The following ACSL3 variants were observed in gnomAD, a reference collection of about 807,000 sequenced individuals.
ACSL3 encodes the protein acyl-CoA synthetase long chain family member 3, also known as fatty acid CoA ligase Acsl3.
Under a neutral mutation model 84.7 loss-of-function variants are expected in ACSL3, and 34 were observed. That is an observed-to-expected ratio of 0.40 (90% CI 0.31 to 0.53). The LOEUF is 0.53. Among genes scored for constraint, ACSL3 ranks in the 20% least tolerant of loss-of-function variants. The probability of loss-of-function intolerance (pLI) is 0.48; values close to 1 mark genes in which losing one functional copy is unlikely to be tolerated. For missense variants in ACSL3, 680 were observed against 873.1 expected, an observed-to-expected ratio of 0.78 and a Z score of 2.79; for synonymous variants, 315 against 299.4, an observed-to-expected ratio of 1.05 and a Z score of -0.54.
At position 222,863,415 on chromosome 2, in the gene ACSL3, A is replaced by G. The variant is rs557412089; in HGVS notation, c.-207+2157A>G. 3.9e-5 allele frequency among the ~76,000 whole-genome samples: 6 copies of G among 152,320 alleles called. No individual in the cohort carries two copies. In the South Asian group the frequency reaches 1.2e-3, roughly 32 times the overall value. ...CTTTTCATTGCACAGTGTATTTCAT[A>G]CTCAGAATGTCATCCCGGCTCTCAT... On this transcript the variant is annotated intron_variant, in intron 1 of 16. Coordinates refer to ENST00000357430, the MANE Select transcript of ACSL3 (RefSeq NM_004457.5).
chr2:222,937,054 T>G (rs1697191465), intron 16 of ACSL3, among the ~76,000 whole-genome samples: 1 of 152,176 alleles, frequency 6.6e-6, no homozygotes, highest in Admixed American at 6.5e-5. Context: ...GACCCAGAAC[T>G]AAACCTTATC....
chr2:222,944,333 CTT>C lies in ACSL3; in HGVS notation c.*2682_*2683del, dbSNP rs1258854936. On this transcript the variant is annotated 3_prime_UTR_variant, in exon 17 of 17. Coordinates refer to ENST00000357430, the MANE Select transcript of ACSL3 (RefSeq NM_004457.5). ...TCCCTGTGATACAACTTTGAAAAAACTTTTAAAAATCTCTGATGTGTGGGCTC... is the reference window on the plus strand; with the variant it reads ...TCCCTGTGATACAACTTTGAAAAAACTTAAAAATCTCTGATGTGTGGGCTC... 1 of 152,082 alleles carries C rather than the reference CTT, an allele frequency of 6.6e-6. No individual in the cohort carries two copies. The highest frequency in any genetic ancestry group is 2.4e-5 in the African/African-American group (1 of 41,430). 9.4% of individuals were successfully genotyped at this position (152,082 alleles called of 1,614,324 possible).
In ACSL3 at chr2:222,917,980, A is replaced by AT; in HGVS notation, c.557-64dup. The AT allele has an allele frequency of 6.8e-6, 8 of 1,182,426 alleles. No homozygotes were observed. In the South Asian group the frequency reaches 1.0e-4, roughly 15 times the overall value. 73.2% of individuals were successfully genotyped at this position (1,182,426 alleles called of 1,614,324 possible). ...ATGCGTTATTATGATTCATCTCCAC[A>AT]TTCAGAGACTTTACATTTGTAGTTA... On this transcript the variant is annotated intron_variant, in intron 5 of 16. Transcript: ENST00000357430.
chr2:222,916,335 A>G lies in ACSL3; in HGVS notation c.395A>G (p.Tyr132Cys), dbSNP rs1238526096. The G allele has an allele frequency of 3.7e-6, 6 of 1,612,916 alleles. No individual in the cohort carries two copies. The highest frequency in any genetic ancestry group is 5.1e-6 in the Non-Finnish European group (6 of 1,179,398). The change falls in exon 5 of 17, where the codon TAT (tyrosine) becomes TGT (cysteine). Residue 132 changes from tyrosine to cysteine, a missense_variant. Coordinates refer to ENST00000357430, the MANE Select transcript of ACSL3 (RefSeq NM_004457.5). ...TTTTATCAGGTTATTCTTGGACAGT[A>G]TAATTGGCTTTCCTATGAAGATGTC... The part of the protein sequence containing the change: ...KIFKKVILGQ[Y>C]NWLSYEDVFV...
chr2:222,909,063 C>G lies in ACSL3; in HGVS notation c.291C>G (p.Asn97Lys), dbSNP rs186338577. The change falls in exon 4 of 17, where the codon AAC becomes AAG. Residue 97 changes from asparagine (N) to lysine (K), a missense_variant. By Grantham distance (94) the Asn-to-Lys change is moderately conservative. Transcript: ENST00000357430. ...ATAAAGTTTTTACATATGCAAAAAA[C>G]AAATTTAAGAACAAAAGACTCTTGG... Reference protein sequence around the residue: ...TLDKVFTYAKNKFKNKRLLGT... With the variant: ...TLDKVFTYAKKKFKNKRLLGT... The G allele has an allele frequency of 2.5e-6, 4 of 1,611,826 alleles. No individual in the cohort carries two copies. The highest frequency in any genetic ancestry group is 3.4e-6 in the Non-Finnish European group (4 of 1,179,352).
chr2:222,914,046 TC>T (rs2106121936), intron 4 of ACSL3, among the ~76,000 whole-genome samples: 1 of 152,322 alleles, frequency 6.6e-6, no homozygotes, highest in East Asian at 1.9e-4. Context: ...ATAGTGATCT[TC>T]AGTTGCAGAG....
At chr2:222,870,923 G>T (rs186391819) in intron 1 of ACSL3, among the ~76,000 whole-genome samples, 13 of 152,218 alleles carry the variant, frequency 8.5e-5, no homozygotes, top group African/African-American at 2.6e-4. Context: ...TGTGAAATAC[G>T]GGTTATAAGG....
chr2:222,929,985 T>A (rs1195151771), intron 13 of ACSL3, among the ~76,000 whole-genome samples: 1 of 146,264 alleles, frequency 6.8e-6, no homozygotes, highest in Admixed American at 7.0e-5. Context: ...TGGAGTGCAG[T>A]GTCAATGGTT....
chr2:222,893,033 G>A (rs1695880970), intron 2 of ACSL3, among the ~76,000 whole-genome samples: 1 of 152,054 alleles, frequency 6.6e-6, no homozygotes, highest in African/African-American at 2.4e-5. Flanking sequence ...TATTATTATT[G>A]TTATTTGCAG....
At chr2:222,874,984 G>A (rs533268778) in intron 1 of ACSL3, among the ~76,000 whole-genome samples, 1 of 151,894 alleles carries the variant, frequency 6.6e-6, no homozygotes, top group East Asian at 1.9e-4. Flanking sequence ...TAGAATTGAA[G>A]AATTAAAAAT....
At chr2:222,891,753 C>T (rs188637032) in intron 2 of ACSL3, among the ~76,000 whole-genome samples, 3 of 152,274 alleles carry the variant, frequency 2.0e-5, no homozygotes, top group Admixed American at 6.5e-5. Flanking sequence ...ATGGGAAAGA[C>T]TTGCTATAAT....
rs1697026781 is a variant in ACSL3, at chr2:222,931,387, C to T, written c.1732+575C>T. 2.0e-5 allele frequency among the ~76,000 whole-genome samples: 3 copies of T among 149,968 alleles called. No homozygotes were observed. In the South Asian group the frequency reaches 6.4e-4, roughly 32 times the overall value. On this transcript the variant is annotated intron_variant, in intron 14 of 16. Transcript: ENST00000357430. The stretch of plus-strand genomic sequence containing the variant: ...GGAGATCGCGACACTGCACTCCAAC[C>T]TGGGCAACAGAGCAAGACTCTGTCT...
At position 222,904,405 on chromosome 2, in the gene ACSL3, C is replaced by T. The variant is rs145467117; in HGVS notation, c.-41+3625C>T. ...CAATGAGAATAGTAATGTATAGGAA[C>T]GGTGGGTCTGCTCTGATGTCAGTCT... On this transcript the variant is annotated intron_variant, in intron 3 of 16. Transcript: ENST00000357430. Among the ~76,000 whole-genome samples the T allele has an allele frequency of 2.3e-3, 353 of 152,188 alleles. 1 individual carries two copies. Among genetic ancestry groups the T allele is most frequent in the Non-Finnish European group, 3.9e-3 (267 of 68,024 alleles).
intron 8 of ACSL3, among the ~76,000 whole-genome samples, chr2:222,921,727 A>G (rs997884706): frequency 6.6e-6 from 1 of 152,132 alleles, no homozygotes; most frequent in African/African-American, 2.4e-5. Flanking sequence ...TTATATCTAA[A>G]TACAATTCAG....
At chr2:222,911,233 G>C (rs913661119) in intron 4 of ACSL3, among the ~76,000 whole-genome samples, 1 of 151,976 alleles carries the variant, frequency 6.6e-6, no homozygotes, top group Non-Finnish European at 1.5e-5. Context: ...GTTTTTAGTA[G>C]AGACAAGGTT....
intron 3 of ACSL3, among the ~76,000 whole-genome samples, chr2:222,903,984 A>G (rs897781414): frequency 6.6e-6 from 1 of 152,186 alleles, no homozygotes; most frequent in African/African-American, 2.4e-5. Context: ...CATTAAAACA[A>G]TTATGGTCGG....
At chr2:222,941,067 T>TA (rs1697292952) in intron 16 of ACSL3, among the ~76,000 whole-genome samples, 1 of 152,048 alleles carries the variant, frequency 6.6e-6, no homozygotes, top group East Asian at 1.9e-4. Context: ...ATACCCAGCT[T>TA]ATATTTTTTA....
Position 222,927,142 on chromosome 2 carries a change from A to G in ACSL3, c.1418A>G (p.Gln473Arg). ...ATCTGTTTCTGCTGTCCTGTTGGTC[A>G]GGGATACGGGCTCACTGAATCTGCT... ...MNICFCCPVG[Q>R]GYGLTESAGA... is the part of the protein sequence containing the mutation. The change falls in exon 12 of 17, where the codon CAG becomes CGG. Residue 473 changes from glutamine (Q) to arginine (R), a missense_variant. This residue lies in a region of ACSL3 where 347 missense variants were observed against 525.7 expected (regional missense o/e 0.66). Transcript: ENST00000357430. 1 of 1,614,172 alleles carries G rather than the reference A, an allele frequency of 6.2e-7. No homozygotes were observed. The highest frequency in any genetic ancestry group is 8.5e-7 in the Non-Finnish European group (1 of 1,179,994).
chr2:222,869,577 G>A (rs775051416), intron 1 of ACSL3, among the ~76,000 whole-genome samples: 5 of 152,230 alleles, frequency 3.3e-5, no homozygotes, highest in African/African-American at 4.8e-5. Context: ...TAGGCCATAT[G>A]AAGTTACAGA....
Sources: gnomAD v4.1 joint callset for allele counts (sites outside exome capture counted in the v4.1 genomes callset) on GRCh38, gnomAD v4.1.1 for gene constraint, gnomAD v4.1.1 regional missense constraint, MANE v1.5 for transcripts, NCBI Gene and HGNC (gene_info 2026-07-23, HGNC 2026-07-21) for gene names.